The following CCDC167 variants were observed in gnomAD, a reference collection of about 807,000 sequenced individuals.
CCDC167 encodes the protein coiled-coil domain containing 167.
CCDC167 carries 15 observed loss-of-function variants against 12.7 expected under a neutral mutation model. The observed-to-expected ratio is 1.18, with a 90% CI of 0.79 to 1.81. The LOEUF is 1.81. Among genes scored for constraint, CCDC167 ranks in the 40% most tolerant of loss-of-function variants. The probability of loss-of-function intolerance (pLI) is 0.00; values close to 1 mark genes in which losing one functional copy is unlikely to be tolerated. For missense variants in CCDC167, 121 were observed against 120.1 expected (o/e 1.01, Z -0.03); for synonymous variants, 52 against 49.0 (o/e 1.06, Z -0.26).
chr6:37,483,376 G>A (rs1429635317), intron 3 of CCDC167, 87 bp from the exon 4 acceptor site: 1 of 869,912 alleles, frequency 1.1e-6, no homozygotes, highest in East Asian at 2.5e-5. Flanking sequence ...GGTACACACT[G>A]CTGAGGGCAA....
intron 1 of CCDC167, among the ~76,000 whole-genome samples, chr6:37,498,824 TAA>T (rs34019934): frequency 1.3e-4 from 20 of 149,170 alleles, no homozygotes; most frequent in Middle Eastern, 6.8e-3. Flanking sequence ...GACTCTGTCT[TAA>T]AAAAAAAAAA....
chr6:37,494,433 C>G (rs1233711133), intron 1 of CCDC167, among the ~76,000 whole-genome samples: 1 of 152,160 alleles, frequency 6.6e-6, no homozygotes, highest in African/African-American at 2.4e-5. Flanking sequence ...TTATTCCTTA[C>G]AGCAGATACT....
At chr6:37,498,846 T>C (rs1762130201) in intron 1 of CCDC167, among the ~76,000 whole-genome samples, 1 of 151,946 alleles carries the variant, frequency 6.6e-6, no homozygotes, top group Non-Finnish European at 1.5e-5. Context: ...AGCAGATTCC[T>C]TGTTAAGAAT....
At chr6:37,491,718 A>C (rs560826035) in intron 1 of CCDC167, among the ~76,000 whole-genome samples, 1 of 152,250 alleles carries the variant, frequency 6.6e-6, no homozygotes, top group Non-Finnish European at 1.5e-5. Flanking sequence ...CAACAGTGAC[A>C]GCAGCAGCAA....
At position 37,485,161 on chromosome 6, in the gene CCDC167, G is replaced by A. The variant is rs1049703182; in HGVS notation, c.76C>T (p.Arg26Trp). ...DGLEEKLSQCRRDLEAVNSRL... is the reference protein window; with the variant it reads ...DGLEEKLSQCWRDLEAVNSRL... Reference sequence around the variant, plus strand: ...GAGTTCACGGCCTCCAGGTCTCTCCGACACTGGGACAGCTTCTCCTCTAGC... The same window carrying A: ...GAGTTCACGGCCTCCAGGTCTCTCCAACACTGGGACAGCTTCTCCTCTAGC... Residue 26 changes from arginine (R) to tryptophan (W), a missense_variant, in exon 2 of 4, where the codon CGG becomes TGG. Physicochemically the swap from Arg to Trp is moderately radical, Grantham distance 101. Transcript: ENST00000373408. 11 of 1,613,444 alleles carry A rather than the reference G, an allele frequency of 6.8e-6. No homozygotes were observed. Among genetic ancestry groups the A allele is most frequent in the South Asian group, 1.1e-5 (1 of 91,070 alleles).
At chr6:37,493,014 CA>C (rs1447405104) in intron 1 of CCDC167, among the ~76,000 whole-genome samples, 1 of 152,226 alleles carries the variant, frequency 6.6e-6, no homozygotes, top group Non-Finnish European at 1.5e-5. Context: ...CCCACATCAA[CA>C]GGCCCTGTAA....
At chr6:37,493,832 G>T (rs1168926522) in intron 1 of CCDC167, among the ~76,000 whole-genome samples, 1 of 152,202 alleles carries the variant, frequency 6.6e-6, no homozygotes, top group Non-Finnish European at 1.5e-5. Flanking sequence ...CCTAGCCCTT[G>T]TCTCAGGAAA....
rs151285955 is a variant in CCDC167 at position 37,483,746 on chromosome 6, A to G, written c.191-457T>C. ...AGTGGAGGAGGTGCTAGGTGGGGCC[A>G]CGTGTTTCCTGAGTCCCTGCCCTCT... is the stretch of plus-strand genomic sequence containing the variant. On this transcript the variant is annotated intron_variant, in intron 3 of 3. Transcript: ENST00000373408. Among the ~76,000 whole-genome samples, 640 of 152,320 alleles carry G rather than the reference A, an allele frequency of 4.2e-3. 5 individuals carry two copies. Among genetic ancestry groups the G allele is most frequent in the African/African-American group, 0.014 (564 of 41,564 alleles).
rs188394987 is a variant in CCDC167, at chr6:37,498,684, G to T, written c.42+1138C>A. Among the ~76,000 whole-genome samples the T allele has an allele frequency of 2.8e-4, 42 of 152,134 alleles. No homozygotes were observed. The East Asian group carries it at 6.4e-3, about 23-fold the overall frequency. ...CTACAAAAATACAAAAATTAGCCAG[G>T]CATGGTGGCACGTGCCTGTAATCCC... is the stretch of plus-strand genomic sequence containing the variant. On this transcript the variant is annotated intron_variant, in intron 1 of 3. Coordinates refer to ENST00000373408, the MANE Select transcript of CCDC167 (RefSeq NM_138493.3).
At chr6:37,486,220 C>A (rs143074963) in intron 1 of CCDC167, among the ~76,000 whole-genome samples, 27 of 152,344 alleles carry the variant, frequency 1.8e-4, no homozygotes, top group African/African-American at 6.5e-4. Context: ...GCAAATAAGA[C>A]CTCCATTTCA....
intron 1 of CCDC167, among the ~76,000 whole-genome samples, chr6:37,486,590 G>A (rs951603421): frequency 2.0e-5 from 3 of 152,164 alleles, no homozygotes; most frequent in African/African-American, 4.8e-5. Context: ...GCCCCACCAT[G>A]GCCACCTCCA....
At chr6:37,497,537 G>A (rs1174464865) in intron 1 of CCDC167, among the ~76,000 whole-genome samples, 1 of 150,680 alleles carries the variant, frequency 6.6e-6, no homozygotes, top group African/African-American at 2.5e-5. Context: ...TATGCTTGGG[G>A]TCGGGGGTCG....
chr6:37,485,542 G>A (rs1761931595), intron 1 of CCDC167, among the ~76,000 whole-genome samples: 4 of 152,246 alleles, frequency 2.6e-5, no homozygotes, highest in Admixed American at 2.6e-4. Flanking sequence ...CGATGCCCCA[G>A]TTGGGCGCAC....
intron 1 of CCDC167, among the ~76,000 whole-genome samples, chr6:37,487,030 C>T (rs1017169545): frequency 3.3e-5 from 5 of 152,038 alleles, no homozygotes; most frequent in South Asian, 4.1e-4. Flanking sequence ...GGGCAGGGGA[C>T]GGGGTGCATT....
intron 1 of CCDC167, among the ~76,000 whole-genome samples, chr6:37,496,967 G>T (rs1314213206): frequency 6.6e-6 from 1 of 152,212 alleles, no homozygotes; most frequent in Non-Finnish European, 1.5e-5. Flanking sequence ...CATCAGTGGG[G>T]TATGCCCCGG....
chr6:37,485,438 G>A (rs1425666905), intron 1 of CCDC167, among the ~76,000 whole-genome samples: 1 of 152,252 alleles, frequency 6.6e-6, no homozygotes, highest in Non-Finnish European at 1.5e-5. Context: ...AGTAGTGGGT[G>A]TTGCCCAGGG....
intron 1 of CCDC167, among the ~76,000 whole-genome samples, chr6:37,491,778 A>G (rs1362258681): frequency 6.6e-6 from 1 of 152,154 alleles, no homozygotes; most frequent in East Asian, 1.9e-4. Flanking sequence ...CATGCTTTAC[A>G]CCGATTAACT....
chr6:37,489,109 G>A (rs919772663), intron 1 of CCDC167, among the ~76,000 whole-genome samples: 20 of 152,174 alleles, frequency 1.3e-4, no homozygotes, highest in African/African-American at 4.6e-4. Context: ...GGTGGCGCAC[G>A]CCTGTAGTCC....
chr6:37,497,338 C>T (rs1298800259), intron 1 of CCDC167, among the ~76,000 whole-genome samples: 1 of 152,224 alleles, frequency 6.6e-6, no homozygotes, highest in Admixed American at 6.5e-5. Context: ...ATGTGTGATT[C>T]TGTTTAAAGT....
Sources: gnomAD v4.1 joint callset for allele counts (sites outside exome capture counted in the v4.1 genomes callset) on GRCh38, gnomAD v4.1.1 for gene constraint, MANE v1.5 for transcripts, NCBI Gene and HGNC (gene_info 2026-07-23, HGNC 2026-07-21) for gene names.